The following GPR158 variants were observed in gnomAD, a reference collection of about 807,000 sequenced individuals.
GPR158 encodes the protein G protein-coupled receptor 158.
GPR158 carries 30 observed loss-of-function variants against 78.2 expected under a neutral mutation model. The ratio of observed to expected loss-of-function variants is 0.38; its 90% CI spans 0.29 to 0.52. The LOEUF (loss-of-function observed/expected upper bound fraction) is 0.52, where lower values mean the gene tolerates loss of function less well. Ranked by LOEUF, GPR158 falls within the 20% of genes least tolerant of loss-of-function variation. The probability of loss-of-function intolerance (pLI) is 0.83; values close to 1 mark genes in which losing one functional copy is unlikely to be tolerated. For missense variants in GPR158, 1,463 were observed against 1,523.5 expected (o/e 0.96, Z 0.66); for synonymous variants, 581 against 591.1 (o/e 0.98, Z 0.25).
chr10:25,463,446 T>C (rs1266990353), intron 4 of GPR158, among the ~76,000 whole-genome samples: 1 of 151,578 alleles, frequency 6.6e-6, no homozygotes, highest in Non-Finnish European at 1.5e-5. Context: ...TGGACAGATA[T>C]ATAGATGAGG....
intron 7 of GPR158, 111 bp downstream of exon 7, chr10:25,572,998 C>A: frequency 2.8e-6 from 2 of 707,460 alleles, no homozygotes; most frequent in East Asian, 2.5e-5. Flanking sequence ...CTAATCTCAC[C>A]TAATGTGATT....
chr10:25,272,325 TAATG>T (rs900607087), intron 2 of GPR158, among the ~76,000 whole-genome samples: 3 of 152,214 alleles, frequency 2.0e-5, no homozygotes, highest in African/African-American at 7.2e-5. Flanking sequence ...CACATTTTCT[TAATG>T]AAAGAAAATT....
chr10:25,393,032 C>T (rs912949361), intron 2 of GPR158, among the ~76,000 whole-genome samples: 2 of 152,054 alleles, frequency 1.3e-5, no homozygotes, highest in African/African-American at 4.8e-5. Flanking sequence ...TTTGAGGTAG[C>T]TAATAATTCA....
intron 1 of GPR158, among the ~76,000 whole-genome samples, chr10:25,190,456 C>T (rs1460656704): frequency 6.6e-6 from 1 of 152,176 alleles, no homozygotes. Flanking sequence ...CCTCAGTCCC[C>T]CAAGTAGCTG....
At chr10:25,396,148 A>G (rs1834360083) in intron 3 of GPR158, 135 bp downstream of exon 3, 1 of 510,104 alleles carries the variant, frequency 2.0e-6, no homozygotes, top group African/African-American at 2.0e-5. Context: ...TCACTTAAGG[A>G]GTTTTAGTTT....
chr10:25,398,210 A>T (rs1834392329), intron 3 of GPR158, among the ~76,000 whole-genome samples: 1 of 152,248 alleles, frequency 6.6e-6, no homozygotes, highest in Non-Finnish European at 1.5e-5. Flanking sequence ...ACTTCTATTC[A>T]ATAGAAACAG....
At chr10:25,302,774 CT>C (rs1490263699) in intron 2 of GPR158, among the ~76,000 whole-genome samples, 1 of 152,180 alleles carries the variant, frequency 6.6e-6, no homozygotes, top group African/African-American at 2.4e-5. Flanking sequence ...ATAGAACTTT[CT>C]GTGATGAGTG....
chr10:25,347,119 G>A (rs1267880985), intron 2 of GPR158, among the ~76,000 whole-genome samples: 3 of 152,008 alleles, frequency 2.0e-5, no homozygotes, highest in Admixed American at 6.6e-5. Context: ...TAGGTTAGAA[G>A]TTGGATACAG....
At chr10:25,412,689 C>T (rs1169791342) in intron 4 of GPR158, among the ~76,000 whole-genome samples, 9 of 152,150 alleles carry the variant, frequency 5.9e-5, no homozygotes, top group Admixed American at 2.0e-4. Flanking sequence ...ACTGTTTCCC[C>T]TTGTTTAGCC....
At chr10:25,256,471 G>A (rs1437473252) in intron 2 of GPR158, among the ~76,000 whole-genome samples, 1 of 152,088 alleles carries the variant, frequency 6.6e-6, no homozygotes, top group East Asian at 1.9e-4. Context: ...GGGTAACATA[G>A]TAAGGCCCTG....
intron 2 of GPR158, among the ~76,000 whole-genome samples, chr10:25,243,868 T>C (rs977733625): frequency 3.9e-5 from 6 of 152,198 alleles, no homozygotes; most frequent in African/African-American, 1.2e-4. Context: ...GTTTCCTTTA[T>C]GTGTCCTTTG....
chr10:25,391,904 G>A (rs527608116), intron 2 of GPR158, among the ~76,000 whole-genome samples: 32 of 152,200 alleles, frequency 2.1e-4, no homozygotes, highest in Non-Finnish European at 2.9e-5. Flanking sequence ...GAACTGGTAG[G>A]AAGTAATTGA....
intron 7 of GPR158, among the ~76,000 whole-genome samples, chr10:25,573,366 T>C (rs2130732692): frequency 6.6e-6 from 1 of 152,358 alleles, no homozygotes; most frequent in South Asian, 2.1e-4. Context: ...TTAATCTATC[T>C]TTCCTTTGCT....
intron 2 of GPR158, among the ~76,000 whole-genome samples, chr10:25,336,587 A>G (rs574603111): frequency 6.6e-6 from 1 of 152,192 alleles, no homozygotes; most frequent in South Asian, 2.1e-4. Flanking sequence ...TACAGCTCTA[A>G]CTAATGAGAC....
intron 7 of GPR158, among the ~76,000 whole-genome samples, chr10:25,585,593 C>T (rs1458505216): frequency 6.6e-6 from 1 of 152,192 alleles, no homozygotes; most frequent in Non-Finnish European, 1.5e-5. Context: ...GACATTGAAA[C>T]ATTGATTACG....
chr10:25,444,132 T>A (rs1835106355), intron 4 of GPR158, among the ~76,000 whole-genome samples: 1 of 152,152 alleles, frequency 6.6e-6, no homozygotes, highest in African/African-American at 2.4e-5. Context: ...GAAAAATTAC[T>A]CCTGGTGGTT....
chr10:25,578,971 T>C (rs2130738063), intron 7 of GPR158, among the ~76,000 whole-genome samples: 2 of 152,038 alleles, frequency 1.3e-5, no homozygotes, highest in South Asian at 4.2e-4. Flanking sequence ...ATCACGCCAC[T>C]GCACTCCAGC....
At chr10:25,565,162 C>T (rs916594521) in intron 6 of GPR158, among the ~76,000 whole-genome samples, 2 of 152,176 alleles carry the variant, frequency 1.3e-5, no homozygotes, top group East Asian at 1.9e-4. Context: ...TGGTCATAAC[C>T]GTCAGAAGGA....
chr10:25,500,849 A>C (rs922649320), intron 5 of GPR158, among the ~76,000 whole-genome samples: 1 of 152,232 alleles, frequency 6.6e-6, no homozygotes, highest in African/African-American at 2.4e-5. Flanking sequence ...GGAAGCAAAA[A>C]TAGGTTGCTG....
Sources: gnomAD v4.1 joint callset for allele counts (sites outside exome capture counted in the v4.1 genomes callset) on GRCh38, gnomAD v4.1.1 for gene constraint, MANE v1.5 for transcripts, NCBI Gene and HGNC (gene_info 2026-07-23, HGNC 2026-07-21) for gene names.